Variants in RPTOR observed in about 807,000 individuals in gnomAD.
RPTOR encodes regulatory-associated protein of mTOR.
RPTOR carries 21 observed loss-of-function variants against 169.9 expected under a neutral mutation model. The observed-to-expected ratio is 0.12, with a 90% CI of 0.09 to 0.18. The LOEUF (loss-of-function observed/expected upper bound fraction) is 0.18. Ranked by LOEUF, RPTOR falls within the 10% of genes least tolerant of loss-of-function variation. The pLI is 1.00. For synonymous variants in RPTOR, 732 were observed against 753.2 expected (o/e 0.97, Z 0.46); for missense variants, 1,133 against 1,855.9 (o/e 0.61, Z 7.16).
chr17:80,719,650 C>T (rs1357234480), intron 4 of RPTOR, among the ~76,000 whole-genome samples: 1 of 152,146 alleles, frequency 6.6e-6, no homozygotes, highest in African/African-American at 2.4e-5. Context: ...CAGCAGATTC[C>T]TCCTCCTCCT....
At chr17:80,728,332 A>C (rs1204554015) in intron 4 of RPTOR, among the ~76,000 whole-genome samples, 2 of 152,152 alleles carry the variant, frequency 1.3e-5, no homozygotes, top group Non-Finnish European at 2.9e-5. Flanking sequence ...TTACTGTATC[A>C]GTCAGTCTCA....
chr17:80,710,647 G>A (rs1291684521), intron 4 of RPTOR, among the ~76,000 whole-genome samples: 2 of 151,002 alleles, frequency 1.3e-5, no homozygotes, highest in Non-Finnish European at 2.9e-5. Context: ...CCTTAGGCTG[G>A]TGCTACGTTG....
At chr17:80,832,232 GAGCATAGGC>G (rs1216609072) in intron 9 of RPTOR, among the ~76,000 whole-genome samples, 2 of 152,236 alleles carry the variant, frequency 1.3e-5, no homozygotes, top group Non-Finnish European at 2.9e-5. Context: ...GGGCATGTGT[GAGCATAGGC>G]AGCATAGGCT....
intron 1 of RPTOR, among the ~76,000 whole-genome samples, chr17:80,594,070 T>TC (rs2065126677): frequency 6.6e-6 from 1 of 152,122 alleles, no homozygotes; most frequent in Admixed American, 6.6e-5. Context: ...TTCCTCTTTC[T>TC]TTCTCTTCTC....
intron 31 of RPTOR, among the ~76,000 whole-genome samples, chr17:80,961,937 T>G (rs1363517261): frequency 6.6e-6 from 1 of 152,238 alleles, no homozygotes; most frequent in Admixed American, 6.5e-5. Context: ...AAGCCAGCAT[T>G]TCTTCAAAGA....
chr17:80,751,493 G>C (rs1315530326), intron 5 of RPTOR, among the ~76,000 whole-genome samples: 1 of 152,138 alleles, frequency 6.6e-6, no homozygotes, highest in East Asian at 1.9e-4. Context: ...GAAATACTAA[G>C]AACTACGCAA....
intron 1 of RPTOR, among the ~76,000 whole-genome samples, chr17:80,612,409 G>C (rs753523480): frequency 6.6e-6 from 1 of 152,160 alleles, no homozygotes; most frequent in South Asian, 2.1e-4. Context: ...AGGATTGCAG[G>C]TGTGAGCCAC....
chr17:80,766,567 A>G (rs1233962210), intron 6 of RPTOR, among the ~76,000 whole-genome samples: 2 of 152,190 alleles, frequency 1.3e-5, no homozygotes, highest in Non-Finnish European at 2.9e-5. Context: ...AGCATCTTAC[A>G]ATAAGTAACA....
Position 80,966,049 on chromosome 17 carries a change from C to G in RPTOR, c.*1719C>G, listed in dbSNP as rs548056591. 4.3e-6 allele frequency: 1 copy of G among 232,834 alleles called. No homozygotes were observed. The highest frequency in any genetic ancestry group is 8.5e-6 in the Non-Finnish European group (1 of 117,942). The allele number at this position is 232,834 out of a possible 1,614,324, so 14.4% of individuals were successfully genotyped here. A position where few individuals can be genotyped will look rare whatever the true frequency, so the allele number is the denominator to read the frequency against. On this transcript the variant is annotated 3_prime_UTR_variant, in exon 34 of 34. Coordinates refer to ENST00000306801, the MANE Select transcript of RPTOR (RefSeq NM_020761.3). The stretch of plus-strand genomic sequence containing the variant: ...CCTTCAACTCAATTCTTACCCAACA[C>G]GCGTTTCTGTTTGTTTTGAGACAAA...
rs147306840 is a variant in RPTOR at position 80,554,742 on chromosome 17, T to TCAAAACAAAACAAAACAAAA, written c.162+8961_162+8980dup. Among the ~76,000 whole-genome samples the TCAAAACAAAACAAAACAAAA allele has an allele frequency of 4.9e-5, 7 of 143,986 alleles. No homozygotes were observed. The East Asian group carries it at 8.2e-4, about 17-fold the overall frequency. 94.5% of individuals were successfully genotyped at this position (143,986 alleles called of 152,430 possible). ...CTGGGTGACAGAGTGAGACTCTGTC[T>TCAAAACAAAACAAAACAAAA]CAAAACAAAACAAAACAAAACAAAA... On this transcript the variant is annotated intron_variant, in intron 1 of 33. Transcript: ENST00000306801.
intron 10 of RPTOR, among the ~76,000 whole-genome samples, chr17:80,841,887 CTT>C (rs1216107344): frequency 9.1e-6 from 1 of 109,846 alleles, no homozygotes; most frequent in Non-Finnish European, 1.9e-5. Flanking sequence ...GCAGCTCACT[CTT>C]ACCGCACGGC....
At chr17:80,896,191 G>C (rs1453397601) in intron 20 of RPTOR, among the ~76,000 whole-genome samples, 3 of 151,760 alleles carry the variant, frequency 2.0e-5, no homozygotes, top group Non-Finnish European at 4.4e-5. Context: ...GGTGAGGTGG[G>C]GATCCAGGTT....
chr17:80,926,760 C>T (rs1324268642), intron 24 of RPTOR, among the ~76,000 whole-genome samples: 2 of 152,220 alleles, frequency 1.3e-5, no homozygotes, highest in South Asian at 2.1e-4. Flanking sequence ...GATGTGCATA[C>T]GACGGAGACC....
intron 24 of RPTOR, among the ~76,000 whole-genome samples, chr17:80,925,800 C>T (rs1026437252): frequency 1.3e-5 from 2 of 152,264 alleles, no homozygotes; most frequent in Non-Finnish European, 2.9e-5. Flanking sequence ...GCCACGCTTG[C>T]GTGGCTCCGA....
intron 7 of RPTOR, chr17:80,802,742 G>C (rs967542925): frequency 6.6e-6 from 1 of 152,404 alleles, no homozygotes; most frequent in African/African-American, 2.4e-5. Flanking sequence ...GCGAGGAAGA[G>C]GCCGCAGTGA....
intron 28 of RPTOR, among the ~76,000 whole-genome samples, chr17:80,956,387 G>T (rs1036078686): frequency 6.6e-6 from 1 of 152,252 alleles, no homozygotes; most frequent in Non-Finnish European, 1.5e-5. Context: ...TGAGGTGGGG[G>T]TTGCTCTGCT....
At chr17:80,576,984 G>A (rs899836199) in intron 1 of RPTOR, among the ~76,000 whole-genome samples, 2 of 151,718 alleles carry the variant, frequency 1.3e-5, no homozygotes. Flanking sequence ...GATTACAGGC[G>A]TGAGCTCCCA....
At chr17:80,929,949 C>G (rs2068855002) in intron 24 of RPTOR, among the ~76,000 whole-genome samples, 1 of 152,110 alleles carries the variant, frequency 6.6e-6, no homozygotes. Flanking sequence ...CAGGCAGAGC[C>G]TGAGAAGTCC....
rs189527165 is a variant in RPTOR, at chr17:80,823,964, G to A, written c.1136+741G>A. 1.1e-3 allele frequency among the ~76,000 whole-genome samples: 174 copies of A among 152,294 alleles called. 1 individual carries two copies. Among genetic ancestry groups the A allele is most frequent in the African/African-American group, 3.5e-3 (145 of 41,566 alleles). ...AAATATTTTTAAAAGAGCGATTAAC[G>A]TATGCCTAGCCGCAGAAGCCATCAT... On this transcript the variant is annotated intron_variant, in intron 9 of 33. Coordinates refer to ENST00000306801, the MANE Select transcript of RPTOR (RefSeq NM_020761.3). The surrounding 1 kb of genome is among the most constrained non-coding windows in gnomAD (Gnocchi z 4.5).
Sources: gnomAD v4.1 joint callset for allele counts (sites outside exome capture counted in the v4.1 genomes callset) on GRCh38, gnomAD v4.1.1 for gene constraint, Gnocchi (gnomAD v3.1) non-coding constraint, MANE v1.5 for transcripts, NCBI Gene and HGNC (gene_info 2026-07-23, HGNC 2026-07-21) for gene names.